The following ZBTB4 variants were observed in gnomAD, a reference collection of about 807,000 sequenced individuals.
The protein encoded by ZBTB4 is zinc finger and BTB domain-containing protein 4.
A neutral mutation model predicts 59.8 loss-of-function variants in ZBTB4; 14 were observed. The observed-to-expected ratio is 0.23, with a 90% CI of 0.15 to 0.37. The LOEUF (loss-of-function observed/expected upper bound fraction) is 0.37. ZBTB4 is among the 10% of genes least tolerant of loss of function. The pLI is 1.00. For missense variants in ZBTB4, 1,198 were observed against 1,380.8 expected (o/e 0.87, Z 2.10); for synonymous variants, 587 against 575.2 (o/e 1.02, Z -0.29).
In ZBTB4 at chr17:7,463,525, C is replaced by A; in HGVS notation, c.1457G>T (p.Gly486Val). Residue 486 changes from glycine (G) to valine (V), a missense_variant, in exon 4 of 4, where the codon GGC (glycine) becomes GTC (valine). By Grantham distance (109) the Gly-to-Val change is moderately radical (BLOSUM62 -3). This residue lies in a region of ZBTB4 where 550 missense variants were observed against 541.8 expected (regional missense o/e 1.02). Transcript: ENST00000380599. ...ACTCCCCCCTCCACCACTGCTACTG[C>A]CCCCATGGACAATGACAGAGGGGGC... Reference protein sequence around the residue: ...HPAPSVIVHGGSSSGGGGSGT... With the variant: ...HPAPSVIVHGVSSSGGGGSGT... 1 of 1,575,208 alleles carries A rather than the reference C, an allele frequency of 6.3e-7. No homozygotes were observed. Among genetic ancestry groups the A allele is most frequent in the Non-Finnish European group, 8.6e-7 (1 of 1,161,030 alleles).
chr17:7,462,776 T>C lies in ZBTB4; in HGVS notation c.2206A>G (p.Thr736Ala), dbSNP rs140670647. Residue 736 changes from threonine to alanine, a missense_variant, in exon 4 of 4, where the codon ACC (threonine) becomes GCC (alanine). Physicochemically the swap from Thr to Ala is moderately conservative, Grantham distance 58. Coordinates refer to ENST00000380599, the MANE Select transcript of ZBTB4 (RefSeq NM_001128833.2). This position sits in a 1 kb window ranked among gnomAD's most constrained non-coding sequence, Gnocchi z 7.5. Reference sequence around the variant, plus strand: ...TGCTTCCGCAGCTTTCTCAGGGTGGTGAAGGTCTGGGCACAGTCCCCGCAT... The same window carrying C: ...TGCTTCCGCAGCTTTCTCAGGGTGGCGAAGGTCTGGGCACAGTCCCCGCAT... Reference protein sequence around the residue: ...HRCGDCAQTFTTLRKLRKHQE... With the variant: ...HRCGDCAQTFATLRKLRKHQE... The C allele has an allele frequency of 1.6e-5, 25 of 1,602,400 alleles. No individual in the cohort carries two copies.
intron 2 of ZBTB4, 26 bp downstream of exon 2, chr17:7,467,231 C>T: frequency 1.4e-5 from 14 of 1,003,806 alleles, no homozygotes; most frequent in Non-Finnish European, 1.7e-5. Flanking sequence ...TTTGTCCTCA[C>T]TGTAGGCCTC....
chr17:7,468,382 A>C (rs1478120227), intron 1 of ZBTB4, among the ~76,000 whole-genome samples: 2 of 145,532 alleles, frequency 1.4e-5, no homozygotes, highest in Non-Finnish European at 3.1e-5. Flanking sequence ...TCAAAAAAAA[A>C]CCCCCCAAAA....
In ZBTB4 at chr17:7,466,218, G is replaced by A. The variant is rs777975882; in HGVS notation, c.584C>T (p.Thr195Ile). 6.2e-7 allele frequency: 1 copy of A among 1,613,582 alleles called. No individual in the cohort carries two copies. The highest frequency in any genetic ancestry group is 8.5e-7 in the Non-Finnish European group (1 of 1,179,970). Residue 195 changes from threonine (T) to isoleucine (I), a missense_variant, in exon 3 of 4, where the codon ACC (threonine) becomes ATC (isoleucine). Coordinates refer to ENST00000380599, the MANE Select transcript of ZBTB4 (RefSeq NM_001128833.2). This position sits in a 1 kb window ranked among gnomAD's most constrained non-coding sequence, Gnocchi z 9.1. Reference sequence around the variant, plus strand: ...AAAGCTGTCCTCTTCAGGCTGCGAGGTGGCCATGGGGGCTGGGGTAGGAGG... The same window carrying A: ...AAAGCTGTCCTCTTCAGGCTGCGAGATGGCCATGGGGGCTGGGGTAGGAGG... ...WVPPTPAPMA[T>I]SQPEEDSFGP...
upstream of ZBTB4, chr17:7,482,104 G>C: frequency 6.2e-7 from 1 of 1,614,190 alleles, no homozygotes; most frequent in East Asian, 2.2e-5. Flanking sequence ...CCAATGGCCT[G>C]CTGGTGGCCC....
At chr17:7,465,244 G>A (rs1487859323) in intron 3 of ZBTB4, among the ~76,000 whole-genome samples, 3 of 151,566 alleles carry the variant, frequency 2.0e-5, no homozygotes, top group Non-Finnish European at 4.4e-5. Flanking sequence ...AGATCACGAG[G>A]TCAGGAGTTC....
At chr17:7,480,313 G>C (rs1358096383), upstream of ZBTB4, among the ~76,000 whole-genome samples, 2 of 152,162 alleles carry the variant, frequency 1.3e-5, no homozygotes, top group Admixed American at 6.5e-5. Context: ...AGCACACACA[G>C]AAAAAACACA....
At position 7,461,803 on chromosome 17, in the gene ZBTB4, C is replaced by G; in HGVS notation, c.*137G>C. Reference sequence around the variant, plus strand: ...ACATCTCACACAAAGCAGCCTGACCCCTGAGCTCCAGGGGCCCCCAAGTCC... The same window carrying G: ...ACATCTCACACAAAGCAGCCTGACCGCTGAGCTCCAGGGGCCCCCAAGTCC... On this transcript the variant is annotated 3_prime_UTR_variant, in exon 4 of 4. Coordinates refer to ENST00000380599, the MANE Select transcript of ZBTB4 (RefSeq NM_001128833.2). 1.5e-6 allele frequency: 1 copy of G among 664,490 alleles called. No individual in the cohort carries two copies. Among genetic ancestry groups the G allele is most frequent in the Non-Finnish European group, 2.5e-6 (1 of 398,040 alleles). 41.2% of individuals were successfully genotyped at this position (664,490 alleles called of 1,614,324 possible).
chr17:7,477,630 A>C (rs1387695848), intron 1 of ZBTB4, among the ~76,000 whole-genome samples: 2 of 152,176 alleles, frequency 1.3e-5, no homozygotes, highest in African/African-American at 4.8e-5. Flanking sequence ...TGTTCTGAGG[A>C]ATCTGCCTAG....
intron 1 of ZBTB4, among the ~76,000 whole-genome samples, chr17:7,477,216 T>C (rs1359373143): frequency 1.3e-5 from 2 of 152,186 alleles, no homozygotes; most frequent in East Asian, 1.9e-4. Flanking sequence ...GGGGCTGGCA[T>C]AGGCACAGCC....
chr17:7,463,238 C>G lies in ZBTB4; in HGVS notation c.1744G>C (p.Gly582Arg). 1.2e-6 allele frequency: 2 copies of G among 1,611,542 alleles called. No homozygotes were observed. The highest frequency in any genetic ancestry group is 1.7e-6 in the Non-Finnish European group (2 of 1,179,424). ...CGGCCAGCCCCTGTGGGGGGACCCC[C>G]ACCTCCACCAATCCCGCCCACTGGC... is the stretch of plus-strand genomic sequence containing the variant. ...AKPVGGIGGGGGPPTGAGRGP... is the reference protein window; with the variant it reads ...AKPVGGIGGGRGPPTGAGRGP... The change falls in exon 4 of 4, where the codon GGG becomes CGG. Residue 582 changes from glycine (G) to arginine (R), a missense_variant. Physicochemically the swap from Gly to Arg is moderately radical, Grantham distance 125. Transcript: ENST00000380599.
In ZBTB4 at chr17:7,463,077, C is replaced by G; in HGVS notation, c.1905G>C (p.Glu635Asp). 6.2e-7 allele frequency: 1 copy of G among 1,610,882 alleles called. No individual in the cohort carries two copies. The highest frequency in any genetic ancestry group is 8.5e-7 in the Non-Finnish European group (1 of 1,179,396). Reference sequence around the variant, plus strand: ...CCTCCTCCTCTTCGTCCTCCTCACTCTCCTCCATCTCCTCTCCGCTCAGCT... The same window carrying G: ...CCTCCTCCTCTTCGTCCTCCTCACTGTCCTCCATCTCCTCTCCGCTCAGCT... ...PGELSGEEME[E>D]SEEDEEEEDE... The change falls in exon 4 of 4, where the codon GAG (glutamate) becomes GAC (aspartate). Residue 635 changes from glutamate to aspartate, a missense_variant. Physicochemically the swap from Glu to Asp is conservative, Grantham distance 45 (BLOSUM62 2). Transcript: ENST00000380599.
chr17:7,471,069 G>A (rs749656009), intron 1 of ZBTB4, among the ~76,000 whole-genome samples: 28 of 152,204 alleles, frequency 1.8e-4, no homozygotes, highest in Non-Finnish European at 3.1e-4. Flanking sequence ...GACTACCACA[G>A]TACTTGGACG....
chr17:7,466,235 G>A lies in ZBTB4; in HGVS notation c.567C>T (p.Thr189=). 6.2e-7 allele frequency: 1 copy of A among 1,613,498 alleles called. No homozygotes were observed. Among genetic ancestry groups the A allele is most frequent in the Non-Finnish European group, 8.5e-7 (1 of 1,179,868 alleles). The change falls in exon 3 of 4, where the codon ACC becomes ACT. Residue 189 remains threonine, a synonymous_variant. Coordinates refer to ENST00000380599, the MANE Select transcript of ZBTB4 (RefSeq NM_001128833.2). This position sits in a 1 kb window ranked among gnomAD's most constrained non-coding sequence, Gnocchi z 9.1. The part of the protein sequence containing the change: ...GEGGDAWVPP[T]PAPMATSQPE... ...GCTGCGAGGTGGCCATGGGGGCTGG[G>A]GTAGGAGGTACCCAGGCATCACCTC...
rs1239408135 is a variant in ZBTB4, at chr17:7,459,661, A to G, written c.*2279T>C. The G allele has an allele frequency of 1.3e-5, 2 of 152,340 alleles. No individual in the cohort carries two copies. The highest frequency in any genetic ancestry group is 1.5e-5 in the Non-Finnish European group (1 of 68,028). 9.4% of individuals were successfully genotyped at this position (152,340 alleles called of 1,614,324 possible). The stretch of plus-strand genomic sequence containing the variant: ...AAATTTCCAACATCTGAAACTCACA[A>G]TATTCAAATTCCCCAGCTCAAATAC... On this transcript the variant is annotated 3_prime_UTR_variant, in exon 4 of 4. Coordinates refer to ENST00000380599, the MANE Select transcript of ZBTB4 (RefSeq NM_001128833.2).
chr17:7,464,037 A>C, intron 3 of ZBTB4, 147 bp from the exon 4 acceptor site: 1 of 1,403,458 alleles, frequency 7.1e-7, no homozygotes, highest in Non-Finnish European at 9.4e-7. Context: ...GCCTCAGTGC[A>C]GGGTGCCCGT....
At position 7,462,455 on chromosome 17, in the gene ZBTB4, C is replaced by T. The variant is rs752232401; in HGVS notation, c.2527G>A (p.Glu843Lys). The T allele has an allele frequency of 7.9e-5, 128 of 1,613,728 alleles. No individual in the cohort carries two copies. The highest frequency in any genetic ancestry group is 9.7e-5 in the Non-Finnish European group (115 of 1,180,008). Reference sequence around the variant, plus strand: ...ATAGGGTCCTGGAGTGAGGCGGTCTCGGAAGCTTCCTCAGCAGCAGTGCTC... The same window carrying T: ...ATAGGGTCCTGGAGTGAGGCGGTCTTGGAAGCTTCCTCAGCAGCAGTGCTC... Reference protein sequence around the residue: ...GGSTAAEEASETASLQDPIIS... With the variant: ...GGSTAAEEASKTASLQDPIIS... Residue 843 changes from glutamate to lysine, a missense_variant, in exon 4 of 4, where the codon GAG becomes AAG. Physicochemically the swap from Glu to Lys is moderately conservative, Grantham distance 56. Coordinates refer to ENST00000380599, the MANE Select transcript of ZBTB4 (RefSeq NM_001128833.2). The surrounding 1 kb of genome is among the most constrained non-coding windows in gnomAD (Gnocchi z 7.5).
intron 1 of ZBTB4, among the ~76,000 whole-genome samples, chr17:7,473,549 T>C (rs2070228996): frequency 6.6e-6 from 1 of 151,892 alleles, no homozygotes; most frequent in South Asian, 2.1e-4. Flanking sequence ...GCCTGGTCAA[T>C]TATTTATCTT....
rs1345329453 is a variant in ZBTB4 at position 7,460,687 on chromosome 17, T to A, written c.*1253A>T. The A allele has an allele frequency of 2.0e-5, 3 of 152,642 alleles. No homozygotes were observed. In the East Asian group the frequency reaches 5.8e-4, roughly 29 times the overall value. 9.5% of individuals were successfully genotyped at this position (152,642 alleles called of 1,614,324 possible). ...GAAATACAGGGACCCTGACCAGGGTTAACTAGTGCAAATTAGGGATTAGGG... is the reference window on the plus strand; with the variant it reads ...GAAATACAGGGACCCTGACCAGGGTAAACTAGTGCAAATTAGGGATTAGGG... On this transcript the variant is annotated 3_prime_UTR_variant, in exon 4 of 4. Transcript: ENST00000380599.
Sources: gnomAD v4.1 joint callset for allele counts (sites outside exome capture counted in the v4.1 genomes callset) on GRCh38, gnomAD v4.1.1 for gene constraint, gnomAD v4.1.1 regional missense constraint, Gnocchi (gnomAD v3.1) non-coding constraint, MANE v1.5 for transcripts, NCBI Gene and HGNC (gene_info 2026-07-23, HGNC 2026-07-21) for gene names.